GULP1: variants seen among roughly 807,000 people sequenced by gnomAD.
GULP1 encodes PTB domain-containing engulfment adapter protein 1.
Under a neutral mutation model 40.9 loss-of-function variants are expected in GULP1, and 19 were observed. The ratio of observed to expected loss-of-function variants is 0.46; its 90% CI spans 0.32 to 0.68. GULP1 has a LOEUF of 0.68. Ranked by LOEUF, GULP1 falls within the 30% of genes least tolerant of loss-of-function variation. The pLI is 0.03. For missense variants in GULP1, 312 were observed against 362.2 expected, an observed-to-expected ratio of 0.86 and a Z score of 1.12; for synonymous variants, 119 against 117.6, an observed-to-expected ratio of 1.01 and a Z score of -0.08.
intron 1 of GULP1, among the ~76,000 whole-genome samples, chr2:188,313,803 A>G (rs2038606915): frequency 6.6e-6 from 1 of 151,390 alleles, no homozygotes; most frequent in Non-Finnish European, 1.5e-5. Context: ...TATTTATTTT[A>G]TTGAGAATTG....
intron 1 of GULP1, among the ~76,000 whole-genome samples, chr2:188,350,755 A>G (rs970100827): frequency 3.9e-5 from 6 of 152,074 alleles, no homozygotes; most frequent in Middle Eastern, 3.2e-3. Flanking sequence ...TAATTTTGGT[A>G]TCTGTTCCAA....
At chr2:188,354,351 G>A (rs1393566486) in intron 1 of GULP1, among the ~76,000 whole-genome samples, 1 of 152,148 alleles carries the variant, frequency 6.6e-6, no homozygotes, top group African/African-American at 2.4e-5. Flanking sequence ...GGGCAGAAGT[G>A]CTCTGAAGGT....
intron 2 of GULP1, among the ~76,000 whole-genome samples, chr2:188,389,025 A>C (rs961003797): frequency 6.6e-6 from 1 of 152,224 alleles, no homozygotes; most frequent in Non-Finnish European, 1.5e-5. Flanking sequence ...AATAAAAAAG[A>C]AAGTGTGGTA....
chr2:188,521,584 C>A (rs958772037), intron 4 of GULP1, among the ~76,000 whole-genome samples: 1 of 152,020 alleles, frequency 6.6e-6, no homozygotes, highest in Non-Finnish European at 1.5e-5. Context: ...AGGGAATACC[C>A]CTTCATAAAA....
chr2:188,448,628 G>A (rs2058592201), intron 2 of GULP1, among the ~76,000 whole-genome samples: 1 of 152,184 alleles, frequency 6.6e-6, no homozygotes, highest in Non-Finnish European at 1.5e-5. Context: ...TGTTTTACCT[G>A]CTTCAGAGAA....
chr2:188,529,154 A>G lies in GULP1; in HGVS notation c.220A>G (p.Ile74Val), dbSNP rs1468866472. 16 of 1,588,286 alleles carry G rather than the reference A, an allele frequency of 1.0e-5. No individual in the cohort carries two copies. The African/African-American group carries it at 1.1e-4, about 11-fold the overall frequency. ...GQKIPKVELQ[I>V]SIYGVKILEP... Reference sequence around the variant, plus strand: ...GAAAATTCCTAAAGTGGAGTTGCAAATATCAATTTATGGAGTAAAAATTCT... The same window carrying G: ...GAAAATTCCTAAAGTGGAGTTGCAAGTATCAATTTATGGAGTAAAAATTCT... The change falls in exon 6 of 12, where the codon ATA becomes GTA. Residue 74 changes from isoleucine to valine, a missense_variant. By Grantham distance (29) the Ile-to-Val change is conservative. Transcript: ENST00000409830.
chr2:188,305,886 T>G (rs2106213266), intron 1 of GULP1, among the ~76,000 whole-genome samples: 1 of 152,266 alleles, frequency 6.6e-6, no homozygotes, highest in East Asian at 1.9e-4. Context: ...CATGTGAGTC[T>G]CCTGCTTCCG....
intron 2 of GULP1, among the ~76,000 whole-genome samples, chr2:188,473,611 C>T (rs1234842995): frequency 2.0e-5 from 3 of 152,162 alleles, no homozygotes; most frequent in South Asian, 2.1e-4. Context: ...CCTTAAGGTC[C>T]GTGGGCTCTT....
At chr2:188,352,120 A>C (rs1022527462) in intron 1 of GULP1, among the ~76,000 whole-genome samples, 2 of 152,148 alleles carry the variant, frequency 1.3e-5, no homozygotes, top group African/African-American at 4.8e-5. Context: ...GGCTAATTTT[A>C]TGTGTCAGCT....
At chr2:188,325,832 A>G (rs2040679455) in intron 1 of GULP1, among the ~76,000 whole-genome samples, 1 of 152,152 alleles carries the variant, frequency 6.6e-6, no homozygotes, top group South Asian at 2.1e-4. Flanking sequence ...AAAATTATGT[A>G]ATGAGCATAA....
At chr2:188,325,322 C>T (rs1302180468) in intron 1 of GULP1, among the ~76,000 whole-genome samples, 1 of 151,996 alleles carries the variant, frequency 6.6e-6, no homozygotes, top group South Asian at 2.1e-4. Flanking sequence ...ATATTTCAGA[C>T]TAGTGGCTTT....
chr2:188,479,202 G>A lies in GULP1; in HGVS notation c.28+1472G>A, dbSNP rs1450719090. Reference sequence around the variant, plus strand: ...AGAGGTGTTCAAACATTTGGATGTGGCAGAGAAGATTAATGTATTCAGTGA... The same window carrying A: ...AGAGGTGTTCAAACATTTGGATGTGACAGAGAAGATTAATGTATTCAGTGA... On this transcript the variant is annotated intron_variant, in intron 3 of 11. Coordinates refer to ENST00000409830, the MANE Select transcript of GULP1 (RefSeq NM_016315.4). 3.9e-5 allele frequency among the ~76,000 whole-genome samples: 6 copies of A among 152,112 alleles called. No homozygotes were observed. The East Asian group carries it at 1.2e-3, about 29-fold the overall frequency.
At position 188,500,058 on chromosome 2, in the gene GULP1, A is replaced by G. The variant is rs2063291568; in HGVS notation, c.90+16566A>G. Among the ~76,000 whole-genome samples, 3 of 151,974 alleles carry G rather than the reference A, an allele frequency of 2.0e-5. No individual in the cohort carries two copies. The South Asian group carries it at 6.2e-4, about 32-fold the overall frequency. The stretch of plus-strand genomic sequence containing the variant: ...TGTGTCCTTGGCCAGATTAAGAGCT[A>G]CTTCAATACTTTGTGTCATATGTCA... On this transcript the variant is annotated intron_variant, in intron 4 of 11. Transcript: ENST00000409830.
chr2:188,408,768 T>A (rs1398750058), intron 2 of GULP1, among the ~76,000 whole-genome samples: 1 of 152,210 alleles, frequency 6.6e-6, no homozygotes, highest in East Asian at 1.9e-4. Flanking sequence ...ATATCTTAGA[T>A]GATGATACAA....
intron 10 of GULP1, among the ~76,000 whole-genome samples, chr2:188,586,078 C>G (rs1368491625): frequency 6.6e-6 from 1 of 152,176 alleles, no homozygotes; most frequent in Non-Finnish European, 1.5e-5. Context: ...TAAATCATCT[C>G]TCTCAAGTTC....
At chr2:188,448,545 T>C (rs1162933055) in intron 2 of GULP1, among the ~76,000 whole-genome samples, 1 of 152,222 alleles carries the variant, frequency 6.6e-6, no homozygotes, top group Non-Finnish European at 1.5e-5. Context: ...TTTAGTGTCT[T>C]ACCAATTGTA....
intron 7 of GULP1, among the ~76,000 whole-genome samples, chr2:188,555,142 T>C (rs531652211): frequency 6.6e-6 from 1 of 152,268 alleles, no homozygotes; most frequent in African/African-American, 2.4e-5. Flanking sequence ...TTACAGTCAG[T>C]GTTATTATTG....
intron 6 of GULP1, among the ~76,000 whole-genome samples, chr2:188,535,062 G>A (rs115439710): frequency 0.028 from 4,137 of 150,250 alleles, 115 homozygotes; most frequent in African/African-American, 0.062. Flanking sequence ...TATTAAATTG[G>A]TAATATTTAA....
chr2:188,577,947 C>T lies in GULP1; in HGVS notation c.610-6318C>T, dbSNP rs145037992. Among the ~76,000 whole-genome samples the T allele has an allele frequency of 5.9e-3, 896 of 151,588 alleles. 5 individuals are homozygous for T. Among genetic ancestry groups the T allele is most frequent in the African/African-American group, 0.019 (767 of 41,426 alleles). On this transcript the variant is annotated intron_variant, in intron 9 of 11. Transcript: ENST00000409830. ...ATCTTTAATGTTATTTATAATTTTT[C>T]GGGTTTTTTAACTAGAAAAAATTGA...
Sources: allele counts gnomAD v4.1 joint callset (sites outside exome capture counted in the v4.1 genomes callset), GRCh38; gene constraint gnomAD v4.1.1; transcripts MANE v1.5; gene names NCBI Gene and HGNC (gene_info 2026-07-23, HGNC 2026-07-21).